The following EML6 variants were observed in gnomAD, a reference collection of about 807,000 sequenced individuals.
EML6 encodes EMAP like 6, also known as echinoderm microtubule-associated protein-like 6.
A neutral mutation model predicts 240.1 loss-of-function variants in EML6; 154 were observed. That is an observed-to-expected ratio of 0.64 (90% CI 0.56 to 0.73). The LOEUF (loss-of-function observed/expected upper bound fraction) is 0.73. Among genes scored for constraint, EML6 ranks in the 30% least tolerant of loss-of-function variants. The pLI, the probability that EML6 is intolerant of heterozygous loss-of-function variation, is 0.00. For missense variants in EML6, 2,964 were observed against 2,474.6 expected, an observed-to-expected ratio of 1.20 and a Z score of -4.20; for synonymous variants, 1,148 against 899.0, an observed-to-expected ratio of 1.28 and a Z score of -4.95.
chr2:54,882,873 A>AAAAAAAAAAAGAG (rs796515025), intron 17 of EML6: 3 of 112,408 alleles, frequency 2.7e-5, no homozygotes, highest in African/African-American at 7.0e-5. Flanking sequence ...AAAAAAAAAA[A>AAAAAAAAAAAGAG]AGAAAGCTTA....
intron 11 of EML6, among the ~76,000 whole-genome samples, chr2:54,858,752 G>C (rs1573015262): frequency 6.6e-6 from 1 of 152,198 alleles, no homozygotes; most frequent in Non-Finnish European, 1.5e-5. Flanking sequence ...TGCCTCTCCA[G>C]TGGACATTTG....
At chr2:54,815,629 C>T (rs1464783895) in intron 3 of EML6, among the ~76,000 whole-genome samples, 2 of 152,136 alleles carry the variant, frequency 1.3e-5, no homozygotes, top group African/African-American at 2.4e-5. Flanking sequence ...CATCTTGTTT[C>T]CATTGCTGAA....
chr2:54,894,971 A>C lies in EML6; in HGVS notation c.2799A>C (p.Glu933Asp). Residue 933 changes from glutamate to aspartate, a missense_variant, in exon 20 of 42, where the codon GAA (glutamate) becomes GAC (aspartate). Glu to Asp is a conservative substitution (Grantham distance 45). Coordinates refer to ENST00000356458, the MANE Select transcript of EML6 (RefSeq NM_001039753.4). ...TGGAGCTCTGGGATGATATGTTTGA[A>C]AGATGTTTGAAGACTTATGCCATTA... ...GIVELWDDMFERCLKTYAIKR... is the reference protein window; with the variant it reads ...GIVELWDDMFDRCLKTYAIKR... 1 of 1,551,526 alleles carries C rather than the reference A, an allele frequency of 6.4e-7. No homozygotes were observed. The highest frequency in any genetic ancestry group is 8.7e-7 in the Non-Finnish European group (1 of 1,146,792).
In EML6 at chr2:54,950,780, G is replaced by A; in HGVS notation, c.4213+1G>A. ...GGCATCGTTCAGAACCTCTCCACAG[G>A]TAACCGGGGGTTAAAAAATACAGGT... On this transcript the variant is annotated splice_donor_variant, in intron 30 of 41. Coordinates refer to ENST00000356458, the MANE Select transcript of EML6 (RefSeq NM_001039753.4). LOFTEE classifies it high-confidence loss of function. 1 of 1,546,856 alleles carries A rather than the reference G, an allele frequency of 6.5e-7. No individual in the cohort carries two copies. The highest frequency in any genetic ancestry group is 8.7e-7 in the Non-Finnish European group (1 of 1,145,474).
intron 5 of EML6, among the ~76,000 whole-genome samples, chr2:54,825,317 G>T (rs1286366371): frequency 6.6e-6 from 1 of 152,124 alleles, no homozygotes; most frequent in Non-Finnish European, 1.5e-5. Flanking sequence ...GTTTGTTCAG[G>T]TTCATAGTAA....
intron 9 of EML6, 137 bp from the exon 10 acceptor site, chr2:54,849,825 T>TA: frequency 1.4e-6 from 1 of 714,988 alleles, no homozygotes; most frequent in South Asian, 2.0e-5. Context: ...TTTATATATT[T>TA]ACTCAAAAGT....
At chr2:54,832,447 C>T (rs979009136) in intron 7 of EML6, among the ~76,000 whole-genome samples, 7 of 152,210 alleles carry the variant, frequency 4.6e-5, no homozygotes, top group Non-Finnish European at 7.3e-5. Flanking sequence ...CTGCCTGGGC[C>T]ATCCTGTGAT....
At chr2:54,891,243 C>T (rs776720432) in intron 18 of EML6, 89 bp downstream of exon 18, 138 of 601,670 alleles carry the variant, frequency 2.3e-4, no homozygotes, top group Non-Finnish European at 2.9e-6. Flanking sequence ...TACTACCTCG[C>T]TTGTCTCTGC....
At chr2:54,895,081 T>C in intron 20 of EML6, 55 bp downstream of exon 20, 3 of 1,425,238 alleles carry the variant, frequency 2.1e-6, no homozygotes, top group South Asian at 1.2e-5. Context: ...ATGGAGAAGA[T>C]TGTACTAAAG....
At chr2:54,924,684 C>T (rs1171686461) in intron 26 of EML6, among the ~76,000 whole-genome samples, 2 of 152,186 alleles carry the variant, frequency 1.3e-5, no homozygotes, top group Non-Finnish European at 2.9e-5. Context: ...GCTTCAGCCT[C>T]CTGAATAGCT....
rs902487384 is a variant in EML6 at position 54,959,276 on chromosome 2, C to T, written c.4853+15C>T. 1.7e-5 allele frequency: 26 copies of T among 1,505,108 alleles called. No homozygotes were observed. Among genetic ancestry groups the T allele is most frequent in the Non-Finnish European group, 2.3e-5 (26 of 1,123,740 alleles). The allele number at this position is 1,505,108 out of a possible 1,614,324, so 93.2% of individuals were successfully genotyped here. On this transcript the variant is annotated intron_variant, in intron 34 of 41. Coordinates refer to ENST00000356458, the MANE Select transcript of EML6 (RefSeq NM_001039753.4). ...AAAGAGAGGCCGTAAGCCAAAGCTC[C>T]TATGGAAACAACTTGTCGTTTGTTG...
At chr2:54,835,552 C>T (rs1669097114) in intron 7 of EML6, among the ~76,000 whole-genome samples, 1 of 152,186 alleles carries the variant, frequency 6.6e-6, no homozygotes, top group African/African-American at 2.4e-5. Context: ...ATCGGATCTC[C>T]ACTTAGTTCT....
At position 54,879,616 on chromosome 2, in the gene EML6, A is replaced by C; in HGVS notation, c.2414A>C (p.Lys805Thr). ...AGTATTGTATTTTGGGACTGGAAAAAGGGAGAAAAGATAGCCACAACAAGG... is the reference window on the plus strand; with the variant it reads ...AGTATTGTATTTTGGGACTGGAAAACGGGAGAAAAGATAGCCACAACAAGG... ...FHSIVFWDWK[K>T]GEKIATTRGH... The change falls in exon 17 of 42, where the codon AAG becomes ACG. Residue 805 changes from lysine to threonine, a missense_variant. Coordinates refer to ENST00000356458, the MANE Select transcript of EML6 (RefSeq NM_001039753.4). 3.9e-6 allele frequency: 6 copies of C among 1,547,958 alleles called. No homozygotes were observed. The highest frequency in any genetic ancestry group is 5.2e-6 in the Non-Finnish European group (6 of 1,143,404).
Position 54,849,234 on chromosome 2 carries a change from C to T in EML6, c.1188-728C>T, listed in dbSNP as rs528932085. Among the ~76,000 whole-genome samples, 6 of 152,256 alleles carry T rather than the reference C, an allele frequency of 3.9e-5. No individual in the cohort carries two copies. The South Asian group carries it at 1.2e-3, about 32-fold the overall frequency. On this transcript the variant is annotated intron_variant, in intron 9 of 41. Coordinates refer to ENST00000356458, the MANE Select transcript of EML6 (RefSeq NM_001039753.4). ...TGAAGATCAAATCAGTGTAATTGGGCTATCCATCACCTTAAATATTTTTTC... is the reference window on the plus strand; with the variant it reads ...TGAAGATCAAATCAGTGTAATTGGGTTATCCATCACCTTAAATATTTTTTC...
At chr2:54,768,823 T>C (rs551313514) in intron 2 of EML6, among the ~76,000 whole-genome samples, 1 of 152,310 alleles carries the variant, frequency 6.6e-6, no homozygotes, top group South Asian at 2.1e-4. Flanking sequence ...CTCAAAGTTT[T>C]TTTTTTAGAA....
At chr2:54,845,856 C>T (rs1221589351) in intron 8 of EML6, among the ~76,000 whole-genome samples, 1 of 152,180 alleles carries the variant, frequency 6.6e-6, no homozygotes, top group Non-Finnish European at 1.5e-5. Context: ...GTGACTTATT[C>T]TTGTCTGTCT....
At chr2:54,802,831 A>C (rs956458766) in intron 2 of EML6, among the ~76,000 whole-genome samples, 1 of 152,002 alleles carries the variant, frequency 6.6e-6, no homozygotes, top group Non-Finnish European at 1.5e-5. Flanking sequence ...CATGTTCTCA[A>C]CTCAGTAGAG....
intron 24 of EML6, among the ~76,000 whole-genome samples, 156 bp from the exon 25 acceptor site, chr2:54,910,798 T>C (rs570145227): frequency 6.6e-6 from 1 of 152,374 alleles, no homozygotes; most frequent in East Asian, 1.9e-4. Context: ...ATCATGTAAT[T>C]GGCTGTACAT....
At chr2:54,760,311 A>G (rs1321840368) in intron 2 of EML6, among the ~76,000 whole-genome samples, 1 of 151,762 alleles carries the variant, frequency 6.6e-6, no homozygotes, top group African/African-American at 2.4e-5. Flanking sequence ...AGTTTGGTAT[A>G]TATTTTTCAG....
Sources: gnomAD v4.1 joint callset for allele counts (sites outside exome capture counted in the v4.1 genomes callset) on GRCh38, gnomAD v4.1.1 for gene constraint, MANE v1.5 for transcripts, NCBI Gene and HGNC (gene_info 2026-07-23, HGNC 2026-07-21) for gene names.